PHACTR4: variants seen among roughly 807,000 people sequenced by gnomAD.
PHACTR4 encodes the protein protein phosphatase 1, regulatory subunit 124.
In PHACTR4, 51 loss-of-function variants were observed where a neutral mutation model predicts 72.7. The observed-to-expected ratio is 0.70, with a 90% CI of 0.56 to 0.89. The LOEUF (loss-of-function observed/expected upper bound fraction) is 0.89. Among genes scored for constraint, PHACTR4 ranks in the 40% least tolerant of loss-of-function variants. PHACTR4 has a pLI of 0.00. For synonymous variants in PHACTR4, 255 were observed against 302.5 expected, an observed-to-expected ratio of 0.84 and a Z score of 1.63; for missense variants, 731 against 861.8, an observed-to-expected ratio of 0.85 and a Z score of 1.90.
chr1:28,382,364 C>T (rs1652242447), intron 1 of PHACTR4, among the ~76,000 whole-genome samples: 1 of 151,776 alleles, frequency 6.6e-6, no homozygotes, highest in South Asian at 2.1e-4. Flanking sequence ...AGTGCAGTGG[C>T]ACGATCTTGG....
chr1:28,476,086 A>C, intron 7 of PHACTR4, 21 bp from the exon 8 acceptor site: 1 of 1,578,486 alleles, frequency 6.3e-7, no homozygotes, highest in Non-Finnish European at 8.6e-7. Flanking sequence ...AAAGGAAAAT[A>C]TAATTATGTT....
chr1:28,495,675 G>C (rs1661304980), intron 13 of PHACTR4, among the ~76,000 whole-genome samples: 1 of 151,474 alleles, frequency 6.6e-6, no homozygotes, highest in Non-Finnish European at 1.5e-5. Context: ...GGAGTGCAGT[G>C]GCATGATCGT....
rs1457604167 is a variant in PHACTR4, at chr1:28,458,100, GTGTGTGTT to G, written c.17-977_17-970del. Among the ~76,000 whole-genome samples, 689 of 109,244 alleles carry G rather than the reference GTGTGTGTT, an allele frequency of 6.3e-3. 7 individuals carry two copies. Among genetic ancestry groups the G allele is most frequent in the African/African-American group, 0.023 (370 of 15,936 alleles). The allele number at this position is 109,244 out of a possible 152,430, so 71.7% of individuals were successfully genotyped here. On this transcript the variant is annotated intron_variant, in intron 2 of 13. Coordinates refer to ENST00000373839, the MANE Select transcript of PHACTR4 (RefSeq NM_001048183.3). Reference sequence around the variant, plus strand: ...TATGTCAAATCCTTAATATTATGGTGTGTGTGTTTGTGTGTGTGTGTGTGTGTGTGTGT... The same window carrying G: ...TATGTCAAATCCTTAATATTATGGTGTGTGTGTGTGTGTGTGTGTGTGTGT...
chr1:28,472,647 C>CA (rs1659633905), intron 6 of PHACTR4, among the ~76,000 whole-genome samples: 2 of 151,412 alleles, frequency 1.3e-5, no homozygotes, highest in Middle Eastern at 6.8e-3. Context: ...TGCTGTCCAG[C>CA]CTGGAGTGCA....
intron 4 of PHACTR4, among the ~76,000 whole-genome samples, chr1:28,464,673 C>G (rs1659025132): frequency 6.6e-6 from 1 of 152,080 alleles, no homozygotes; most frequent in Non-Finnish European, 1.5e-5. Context: ...ATTGTAGTTA[C>G]TTATATATAA....
At chr1:28,380,051 C>CTTT (rs1227241664) in intron 1 of PHACTR4, among the ~76,000 whole-genome samples, 63 of 117,304 alleles carry the variant, frequency 5.4e-4, no homozygotes, top group Admixed American at 6.9e-4. Flanking sequence ...TTAAATGTAA[C>CTTT]TTTTTTTTTT....
chr1:28,466,758 C>A lies in PHACTR4; in HGVS notation c.813C>A (p.Asn271Lys). 2.5e-6 allele frequency: 4 copies of A among 1,609,734 alleles called. No homozygotes were observed. The highest frequency in any genetic ancestry group is 1.3e-5 in the African/African-American group (1 of 74,944). ...CTAAACCAGCTCACAGAAATAGCAA[C>A]CCTGTCATTGGTAAGTAAGTCTTTA... Reference protein sequence around the residue: ...PPPKPAHRNSNPVIAELSQAI... With the variant: ...PPPKPAHRNSKPVIAELSQAI... Residue 271 changes from asparagine to lysine, a missense_variant, in exon 6 of 14, where the codon AAC (asparagine) becomes AAA (lysine). This residue lies in a region of PHACTR4 where 621 missense variants were observed against 676.6 expected (regional missense o/e 0.92). Transcript: ENST00000373839.
At chr1:28,480,235 A>G (rs1236420022) in intron 8 of PHACTR4, among the ~76,000 whole-genome samples, 1 of 152,208 alleles carries the variant, frequency 6.6e-6, no homozygotes, top group Non-Finnish European at 1.5e-5. Context: ...AGAAGAGAAA[A>G]GATACCTTTT....
intron 9 of PHACTR4, among the ~76,000 whole-genome samples, chr1:28,485,067 G>A (rs1382135708): frequency 6.6e-6 from 1 of 152,136 alleles, no homozygotes; most frequent in Non-Finnish European, 1.5e-5. Context: ...AAACCTTGAG[G>A]ACATTAATAT....
At chr1:28,466,818 A>T (rs111613013) in intron 6 of PHACTR4, 50 bp downstream of exon 6, 50 of 1,548,124 alleles carry the variant, frequency 3.2e-5, no homozygotes, top group Non-Finnish European at 4.1e-5. Flanking sequence ...TTGATGTTGG[A>T]TGGTTATTTT....
intron 2 of PHACTR4, among the ~76,000 whole-genome samples, chr1:28,422,838 G>A (rs1050437237): frequency 1.3e-5 from 2 of 152,204 alleles, no homozygotes; most frequent in Non-Finnish European, 2.9e-5. Flanking sequence ...CCAGGCTGGA[G>A]TGCAGTGGTG....
At chr1:28,465,931 A>C in intron 5 of PHACTR4, 82 bp downstream of exon 5, 1 of 1,360,738 alleles carries the variant, frequency 7.3e-7, no homozygotes, top group East Asian at 2.3e-5. Flanking sequence ...AGAACAGGGA[A>C]AAGTGAAATC....
chr1:28,448,426 A>AAAAGG (rs77755219), intron 2 of PHACTR4, among the ~76,000 whole-genome samples: 1,539 of 148,050 alleles, frequency 0.01, 12 homozygotes, highest in East Asian at 0.037. Context: ...GGGGAAAGGA[A>AAAAGG]AAAGGAAAGG....
At chr1:28,436,350 C>T (rs868800421) in intron 2 of PHACTR4, among the ~76,000 whole-genome samples, 158 of 152,182 alleles carry the variant, frequency 1.0e-3, no homozygotes, top group African/African-American at 3.4e-3. Flanking sequence ...GATCCTCCCA[C>T]CTCAGCCTCC....
At chr1:28,492,462 T>A (rs899891684) in intron 12 of PHACTR4, among the ~76,000 whole-genome samples, 98 of 142,106 alleles carry the variant, frequency 6.9e-4, no homozygotes, top group African/African-American at 2.3e-3. Context: ...AAATTAAAAT[T>A]AAAAAAAAAA....
Position 28,473,717 on chromosome 1 carries a change from T to C in PHACTR4, c.987T>C (p.Ser329=), listed in dbSNP as rs767184888. ...ATGAAAGAGAGAAGAGCACGTGTTC[T>C]ATGGGCTCGGAACTACTACCAATGA... is the stretch of plus-strand genomic sequence containing the variant. ...PSDEREKSTC[S]MGSELLPMIS... Residue 329 remains serine (S), a synonymous_variant, in exon 7 of 14, where the codon TCT becomes TCC. Transcript: ENST00000373839. The C allele has an allele frequency of 3.1e-6, 5 of 1,614,032 alleles. No individual in the cohort carries two copies. Among genetic ancestry groups the C allele is most frequent in the African/African-American group, 2.7e-5 (2 of 74,890 alleles).
intron 1 of PHACTR4, among the ~76,000 whole-genome samples, chr1:28,375,402 C>T (rs918606409): frequency 6.7e-6 from 1 of 149,644 alleles, no homozygotes; most frequent in Non-Finnish European, 1.5e-5. Context: ...AGAGGCTGGG[C>T]CCAGTGGCTC....
chr1:28,396,785 A>C (rs1653536374), intron 1 of PHACTR4, among the ~76,000 whole-genome samples: 1 of 147,616 alleles, frequency 6.8e-6, no homozygotes, highest in Non-Finnish European at 1.5e-5. Flanking sequence ...CAGCCTCCTG[A>C]GTAGCTGAGA....
chr1:28,432,320 G>T (rs888641224), intron 2 of PHACTR4, among the ~76,000 whole-genome samples: 3 of 151,630 alleles, frequency 2.0e-5, no homozygotes, highest in African/African-American at 7.3e-5. Context: ...AGTGGCTCAT[G>T]CCTATAATCC....
Sources: allele counts gnomAD v4.1 joint callset (sites outside exome capture counted in the v4.1 genomes callset), GRCh38; gene constraint gnomAD v4.1.1; regional missense constraint gnomAD v4.1.1; transcripts MANE v1.5; gene names NCBI Gene and HGNC (gene_info 2026-07-23, HGNC 2026-07-21).